Variants in NIT2 observed in about 807,000 individuals in gnomAD.
NIT2 encodes the protein nitrilase family member 2.
A neutral mutation model predicts 42.7 loss-of-function variants in NIT2; 46 were observed. The ratio of observed to expected loss-of-function variants is 1.08; its 90% confidence interval spans 0.85 to 1.38. The LOEUF (loss-of-function observed/expected upper bound fraction) is 1.38, where lower values mean the gene tolerates loss of function less well. NIT2 is among the 40% of genes most tolerant of loss of function. The pLI is 0.00. For missense variants in NIT2, 309 were observed against 342.5 expected (o/e 0.90, Z 0.77); for synonymous variants, 123 against 121.9 (o/e 1.01, Z -0.06).
chr3:100,355,275 T>C lies in NIT2; in HGVS notation c.*7T>C. Reference sequence around the variant, plus strand: ...GGAGATGAAAAAGCCCTAAAGTTTATGTTTCTAATGTGTCACAGAATAGGA... The same window carrying C: ...GGAGATGAAAAAGCCCTAAAGTTTACGTTTCTAATGTGTCACAGAATAGGA... On this transcript the variant is annotated 3_prime_UTR_variant, in exon 10 of 10. Coordinates refer to ENST00000394140, the MANE Select transcript of NIT2 (RefSeq NM_020202.5). 2 of 1,592,274 alleles carry C rather than the reference T, an allele frequency of 1.3e-6. No individual in the cohort carries two copies. Among genetic ancestry groups the C allele is most frequent in the Non-Finnish European group, 1.7e-6 (2 of 1,160,388 alleles).
At position 100,352,478 on chromosome 3, in the gene NIT2, G is replaced by A. The variant is rs1469963915; in HGVS notation, c.659G>A (p.Gly220Glu). Residue 220 changes from glycine to glutamate, a missense_variant, in exon 8 of 10, where the codon GGA (glycine) becomes GAA (glutamate). Physicochemically the swap from Gly to Glu is moderately conservative, Grantham distance 98. Transcript: ENST00000394140. ...GACAAAGCCTCCTATGTTGCCTGGG[G>A]ACACAGCACCGTGGTGAACCCTTGG... Reference protein sequence around the residue: ...RDDKASYVAWGHSTVVNPWGE... With the variant: ...RDDKASYVAWEHSTVVNPWGE... 5 of 1,613,294 alleles carry A rather than the reference G, an allele frequency of 3.1e-6. No individual in the cohort carries two copies. The highest frequency in any genetic ancestry group is 4.2e-6 in the Non-Finnish European group (5 of 1,179,420).
chr3:100,336,999 C>A (rs569752914), intron 1 of NIT2, among the ~76,000 whole-genome samples: 1 of 152,174 alleles, frequency 6.6e-6, no homozygotes, highest in Non-Finnish European at 1.5e-5. Flanking sequence ...TGCGGCCTTC[C>A]GCAGTGTTTG....
At chr3:100,349,585 G>C (rs1308259459) in intron 7 of NIT2, 1 of 152,320 alleles carries the variant, frequency 6.6e-6, no homozygotes, top group East Asian at 1.9e-4. Context: ...TTAAAAGGCA[G>C]GGATTAGTTT....
rs375317027 is a variant in NIT2, at chr3:100,348,858, T to C, written c.561T>C (p.His187=). Residue 187 remains histidine, a synonymous_variant, in exon 7 of 10, where the codon CAT becomes CAC. Coordinates refer to ENST00000394140, the MANE Select transcript of NIT2 (RefSeq NM_020202.5). ...GAFNLTTGPA[H]WELLQRSRAV... is the part of the protein sequence containing the mutation. The stretch of plus-strand genomic sequence containing the variant: ...TTAATCTGACCACTGGACCAGCCCA[T>C]TGGGAGTTACTTCAGCGAAGCCGGT... 2.3e-5 allele frequency: 37 copies of C among 1,613,776 alleles called. No individual in the cohort carries two copies. Among genetic ancestry groups the C allele is most frequent in the Non-Finnish European group, 3.0e-5 (35 of 1,179,840 alleles).
intron 6 of NIT2, among the ~76,000 whole-genome samples, chr3:100,346,919 C>T (rs115995794): frequency 1.3e-3 from 205 of 152,098 alleles, no homozygotes; most frequent in Non-Finnish European, 2.4e-3. Flanking sequence ...ACTGCCTGCT[C>T]AGAAGGTGGA....
rs1352542476 is a variant in NIT2 at position 100,345,668 on chromosome 3, A to G, written c.420A>G (p.Thr140=). The change falls in exon 5 of 10, where the codon ACA becomes ACG. Residue 140 remains threonine, a synonymous_variant. Coordinates refer to ENST00000394140, the MANE Select transcript of NIT2 (RefSeq NM_020202.5). ...TGAGTCCGGGTGATAGTTTCTCCAC[A>G]TTTGATACTCGTATGTACCAGATAA... is the stretch of plus-strand genomic sequence containing the variant. ...KTLSPGDSFS[T]FDTPYCRVGL... is the part of the protein sequence containing the mutation. The G allele has an allele frequency of 1.9e-6, 3 of 1,606,498 alleles. No homozygotes were observed. The African/African-American group carries it at 4.0e-5, about 21-fold the overall frequency.
In NIT2 at chr3:100,348,704, A is replaced by T; in HGVS notation, c.506-99A>T. 3 of 866,290 alleles carry T rather than the reference A, an allele frequency of 3.5e-6. No homozygotes were observed. The South Asian group carries it at 4.6e-5, about 13-fold the overall frequency. The allele number at this position is 866,290 out of a possible 1,614,324, so 53.7% of individuals were successfully genotyped here. ...GCTGACATCTTTTTATGTTTGGGAA[A>T]GTTTGAGTTCAGTTCCTGCTAGATA... On this transcript the variant is annotated intron_variant, in intron 6 of 9. Coordinates refer to ENST00000394140, the MANE Select transcript of NIT2 (RefSeq NM_020202.5).
Position 100,357,702 on chromosome 3 carries a change from T to A in NIT2, c.*2434T>A, listed in dbSNP as rs998951199. ...TCGCCCAAGCTGGAGTGCAGTGGCA[T>A]GATCTTGGTTCACTGCATCCTCTAC... On this transcript the variant is annotated 3_prime_UTR_variant, in exon 10 of 10. Transcript: ENST00000394140. The A allele has an allele frequency of 1.3e-5, 2 of 150,278 alleles. No individual in the cohort carries two copies. The highest frequency in any genetic ancestry group is 4.9e-5 in the African/African-American group (2 of 40,716). The allele number at this position is 150,278 out of a possible 1,614,324, so 9.3% of individuals were successfully genotyped here.
At chr3:100,353,169 C>T (rs556951142) in intron 8 of NIT2, among the ~76,000 whole-genome samples, 1 of 152,300 alleles carries the variant, frequency 6.6e-6, no homozygotes, top group African/African-American at 2.4e-5. Context: ...ACAGAGGAAG[C>T]GACTGGAATT....
Position 100,358,673 on chromosome 3 carries a change from T to C in NIT2, c.*3405T>C, listed in dbSNP as rs1245501242. On this transcript the variant is annotated 3_prime_UTR_variant, in exon 10 of 10. Coordinates refer to ENST00000394140, the MANE Select transcript of NIT2 (RefSeq NM_020202.5). The stretch of plus-strand genomic sequence containing the variant: ...GTTGCAAATGAATAAATAAGTAACA[T>C]TATGGGGTTTTAAATGACCAAGGAG... 1 of 152,156 alleles carries C rather than the reference T, an allele frequency of 6.6e-6. No individual in the cohort carries two copies. The highest frequency in any genetic ancestry group is 6.5e-5 in the Admixed American group (1 of 15,276). The allele number at this position is 152,156 out of a possible 1,614,324, so 9.4% of individuals were successfully genotyped here. A position where few individuals can be genotyped will look rare whatever the true frequency, so the allele number is the denominator to read the frequency against.
At chr3:100,335,100 G>A (rs1706053057) in intron 1 of NIT2, 2 of 443,330 alleles carry the variant, frequency 4.5e-6, no homozygotes, top group African/African-American at 2.1e-5. Flanking sequence ...TCTCCACGGT[G>A]TGGGCCGCGG....
intron 4 of NIT2, among the ~76,000 whole-genome samples, chr3:100,342,122 T>C (rs972994495): frequency 1.3e-5 from 2 of 152,066 alleles, no homozygotes; most frequent in Non-Finnish European, 2.9e-5. Context: ...GAAATATCTC[T>C]TTTTTTTCTT....
At chr3:100,343,159 G>C (rs1479758809) in intron 4 of NIT2, among the ~76,000 whole-genome samples, 1 of 150,028 alleles carries the variant, frequency 6.7e-6, no homozygotes, top group Non-Finnish European at 1.5e-5. Flanking sequence ...ATAATCTTTA[G>C]TTCTTAGTAT....
chr3:100,339,782 G>A, intron 2 of NIT2, 33 bp from the exon 3 acceptor site: 1 of 1,591,372 alleles, frequency 6.3e-7, no homozygotes, highest in East Asian at 2.2e-5. Context: ...TGGGTGTTTT[G>A]ATCTTTTTTT....
intron 7 of NIT2, among the ~76,000 whole-genome samples, chr3:100,351,558 A>G (rs1706274528): frequency 6.6e-6 from 1 of 152,248 alleles, no homozygotes; most frequent in South Asian, 2.1e-4. Flanking sequence ...AGCCATATGT[A>G]GAAAGCTGAA....
intron 6 of NIT2, 157 bp downstream of exon 6, chr3:100,346,412 T>C (rs1346739835): frequency 3.2e-6 from 2 of 628,974 alleles, no homozygotes; most frequent in African/African-American, 1.8e-5. Flanking sequence ...ACTTTTGCTG[T>C]GTATGGATGA....
At position 100,358,572 on chromosome 3, in the gene NIT2, T is replaced by C. The variant is rs2148886117; in HGVS notation, c.*3304T>C. 6.6e-6 allele frequency: 1 copy of C among 152,306 alleles called. No individual in the cohort carries two copies. The allele number at this position is 152,306 out of a possible 1,614,324, so 9.4% of individuals were successfully genotyped here. A position where few individuals can be genotyped will look rare whatever the true frequency, so the allele number is the denominator to read the frequency against. ...TGTTGAAATAGGTCAGGATGTGCAG[T>C]TTGTGGTGAAAGTTCTACTTGACTT... On this transcript the variant is annotated 3_prime_UTR_variant, in exon 10 of 10. Transcript: ENST00000394140.
At position 100,359,517 on chromosome 3, in the gene NIT2, ACT is replaced by A. The variant is rs1706355527; in HGVS notation, c.*4252_*4253del. 1.3e-5 allele frequency: 2 copies of A among 151,904 alleles called. No homozygotes were observed. The highest frequency in any genetic ancestry group is 4.2e-4 in the South Asian group (2 of 4,810). 9.4% of individuals were successfully genotyped at this position (151,904 alleles called of 1,614,324 possible). ...ATTCTGCCCTCATCTGTCCAGTGAC[ACT>A]CTTCTGGCAGATTACTAAAGACCGA... On this transcript the variant is annotated 3_prime_UTR_variant, in exon 10 of 10. Coordinates refer to ENST00000394140, the MANE Select transcript of NIT2 (RefSeq NM_020202.5).
chr3:100,351,884 T>C lies in NIT2; in HGVS notation c.585-520T>C, dbSNP rs546354777. ...TCTGACAAAGGGCTAATATCCAGAA[T>C]CTACAATGAACTCCAACAAATTTAC... On this transcript the variant is annotated intron_variant, in intron 7 of 9. Coordinates refer to ENST00000394140, the MANE Select transcript of NIT2 (RefSeq NM_020202.5). Among the ~76,000 whole-genome samples, 49 of 151,992 alleles carry C rather than the reference T, an allele frequency of 3.2e-4. 2 individuals carry two copies. In the South Asian group the frequency reaches 6.4e-3, roughly 20 times the overall value.
Sources: gnomAD v4.1 joint callset for allele counts (sites outside exome capture counted in the v4.1 genomes callset) on GRCh38, gnomAD v4.1.1 for gene constraint, MANE v1.5 for transcripts, NCBI Gene and HGNC (gene_info 2026-07-23, HGNC 2026-07-21) for gene names.